The following MGST1 variants were observed in gnomAD, a reference collection of about 807,000 sequenced individuals.
MGST1 encodes glutathione S-transferase 12.
Under a neutral mutation model 8.9 loss-of-function variants are expected in MGST1, and 5 were observed. The ratio of observed to expected loss-of-function variants is 0.56; its 90% CI spans 0.29 to 1.19. The LOEUF is 1.19. Ranked by LOEUF, MGST1 falls within the 50% of genes most tolerant of loss-of-function variation. The pLI is 0.08. For synonymous variants in MGST1, 54 were observed against 67.8 expected, an observed-to-expected ratio of 0.80 and a Z score of 1.00; for missense variants, 182 against 187.4, an observed-to-expected ratio of 0.97 and a Z score of 0.17.
chr12:16,551,441 AC>A, intron 4 of MGST1: 1 of 666,314 alleles, frequency 1.5e-6, no homozygotes, highest in East Asian at 2.7e-5. Context: ...GAATCTGAAA[AC>A]CTGGCTTAGA....
intron 4 of MGST1, chr12:16,551,340 TAAACA>T: frequency 6.8e-7 from 1 of 1,475,888 alleles, no homozygotes; most frequent in Non-Finnish European, 9.5e-7. Context: ...GAAAATATTT[TAAACA>T]ATAAAATGTG....
chr12:16,396,148 G>A (rs1273683559), intron 1 of MGST1, among the ~76,000 whole-genome samples: 1 of 151,994 alleles, frequency 6.6e-6, no homozygotes, highest in Non-Finnish European at 1.5e-5. Context: ...TCTTGCAGGA[G>A]TAAGGTGGTA....
intron 4 of MGST1, among the ~76,000 whole-genome samples, chr12:16,541,540 A>G (rs749816986): frequency 7.2e-5 from 11 of 152,186 alleles, no homozygotes; most frequent in Non-Finnish European, 1.3e-4. Context: ...CCCACTAACC[A>G]TACACAAAAT....
chr12:16,354,091 C>T, intron 1 of MGST1, 140 bp from the exon 2 acceptor site: 4 of 672,804 alleles, frequency 5.9e-6, no homozygotes. Context: ...AAAAACTAAA[C>T]AATCATTTCT....
intron 4 of MGST1, among the ~76,000 whole-genome samples, chr12:16,540,001 C>T (rs1308600820): frequency 6.6e-6 from 1 of 152,148 alleles, no homozygotes; most frequent in Non-Finnish European, 1.5e-5. Flanking sequence ...CTTCCTTTCC[C>T]TAACCCACTG....
chr12:16,381,039 T>G (rs1352843804), downstream of MGST1, among the ~76,000 whole-genome samples: 1 of 152,228 alleles, frequency 6.6e-6, no homozygotes, highest in African/African-American at 2.4e-5. Context: ...TGTGTGTCTC[T>G]GCATGTGAGA....
chr12:16,462,819 A>C (rs933279803), intron 4 of MGST1, among the ~76,000 whole-genome samples: 2 of 152,174 alleles, frequency 1.3e-5, no homozygotes, highest in African/African-American at 4.8e-5. Flanking sequence ...AACTAGAAAT[A>C]ATACTCAGAT....
intron 4 of MGST1, among the ~76,000 whole-genome samples, chr12:16,508,019 T>G (rs1258031754): frequency 6.6e-6 from 1 of 152,154 alleles, no homozygotes; most frequent in Non-Finnish European, 1.5e-5. Context: ...TTTTCATATG[T>G]GTGTGTATGC....
rs528349850 is a variant in MGST1, at chr12:16,389,701, C to T, written n.778+6097C>T. Among the ~76,000 whole-genome samples, 1 of 152,036 alleles carries T rather than the reference C, an allele frequency of 6.6e-6. No homozygotes were observed. The highest frequency in any genetic ancestry group is 1.5e-5 in the Non-Finnish European group (1 of 68,022). On this transcript the variant is annotated intron_variant and non_coding_transcript_variant, in intron 1 of 1. Transcript: ENST00000359720. This position sits in a 1 kb window ranked among gnomAD's most constrained non-coding sequence, Gnocchi z 4.6. ...GAATGTGAAAGAAGGGTGTTATTAG[C>T]TGATGCTGACTCATTGGGGTTTGAA...
intron 3 of MGST1, chr12:16,360,289 C>T (rs1242718325): frequency 2.1e-6 from 2 of 961,836 alleles, no homozygotes; most frequent in Non-Finnish European, 2.5e-6. Flanking sequence ...TCACCTCTCT[C>T]GTTACTTCAG....
At chr12:16,530,917 G>A (rs565855213) in intron 4 of MGST1, among the ~76,000 whole-genome samples, 7 of 152,038 alleles carry the variant, frequency 4.6e-5, no homozygotes, top group East Asian at 3.9e-4. Context: ...AATAAATTTC[G>A]TGTGCTAGCA....
downstream of MGST1, among the ~76,000 whole-genome samples, chr12:16,592,500 G>A (rs1943524997): frequency 6.6e-6 from 1 of 151,970 alleles, no homozygotes; most frequent in South Asian, 2.1e-4. Context: ...CATCTCACCT[G>A]TAAAATGCAA....
chr12:16,375,484 A>G lies in MGST1; in HGVS notation c.222-638A>G, dbSNP rs1432156417. ...TCCGAAGTGGTCTTAAAATGTAACA[A>G]TTTGATTAAACATAAATGGTAGGAC... On this transcript the variant is annotated intron_variant, in intron 3 of 3. Transcript: ENST00000535309. Among the ~76,000 whole-genome samples, 4 of 152,164 alleles carry G rather than the reference A, an allele frequency of 2.6e-5. No homozygotes were observed. In the East Asian group the frequency reaches 7.7e-4, roughly 29 times the overall value.
At chr12:16,399,707 G>A (rs973380814) in intron 1 of MGST1, 150 of 1,264,452 alleles carry the variant, frequency 1.2e-4, no homozygotes, top group Non-Finnish European at 1.6e-4. Context: ...CATCAACAAT[G>A]GTCTTTATTG....
chr12:16,361,987 G>A lies in MGST1; in HGVS notation c.222-1808G>A, dbSNP rs4149203. On this transcript the variant is annotated intron_variant, in intron 3 of 3. Transcript: ENST00000396210. The surrounding 1 kb of genome is among the most constrained non-coding windows in gnomAD (Gnocchi z 4.2). ...ACATTCCATTCTATTTGTCAACTGC[G>A]TAACACAGGCGTAGAAGTGGACATT... Among the ~76,000 whole-genome samples, 40,480 of 151,970 alleles carry A rather than the reference G, an allele frequency of 0.27. 5,682 individuals carry two copies. Among genetic ancestry groups the A allele is most frequent in the Non-Finnish European group, 0.31 (21,168 of 67,966 alleles).
chr12:16,385,521 A>T (rs1486050784), intron 1 of MGST1, among the ~76,000 whole-genome samples: 1 of 152,216 alleles, frequency 6.6e-6, no homozygotes, highest in Non-Finnish European at 1.5e-5. Flanking sequence ...AGTAAAATCC[A>T]CTATAATTTT....
intron 4 of MGST1, among the ~76,000 whole-genome samples, chr12:16,556,158 T>C (rs1333232660): frequency 2.0e-5 from 3 of 152,224 alleles, no homozygotes; most frequent in Admixed American, 2.0e-4. Context: ...TGGGAAAATT[T>C]CATCACAAGC....
intron 4 of MGST1, among the ~76,000 whole-genome samples, chr12:16,566,024 ATATATATATATATAT>A (rs1942593683): frequency 8.3e-5 from 7 of 84,370 alleles, no homozygotes; most frequent in Admixed American, 2.3e-4. Context: ...ATATATATAT[ATATATATATATATAT>A]AAAATGGAGT....
At chr12:16,519,353 C>T (rs548995514) in intron 4 of MGST1, among the ~76,000 whole-genome samples, 1 of 152,272 alleles carries the variant, frequency 6.6e-6, no homozygotes, top group Admixed American at 6.5e-5. Context: ...GTTATAGAGA[C>T]TACTTCTGGG....
Sources: gnomAD v4.1 joint callset for allele counts (sites outside exome capture counted in the v4.1 genomes callset) on GRCh38, gnomAD v4.1.1 for gene constraint, Gnocchi (gnomAD v3.1) non-coding constraint, MANE v1.5 for transcripts, NCBI Gene and HGNC (gene_info 2026-07-23, HGNC 2026-07-21) for gene names.